SYNE2: variants seen among roughly 807,000 people sequenced by gnomAD.
SYNE2 encodes spectrin repeat containing nuclear envelope protein 2, also known as nesprin-2.
In SYNE2, 431 loss-of-function variants were observed where a neutral mutation model predicts 856.3. The ratio of observed to expected loss-of-function variants is 0.50; its 90% CI spans 0.47 to 0.55. The LOEUF (loss-of-function observed/expected upper bound fraction) is 0.55, where lower values mean the gene tolerates loss of function less well. Among genes scored for constraint, SYNE2 ranks in the 20% least tolerant of loss-of-function variants. SYNE2 has a pLI of 0.00. For missense variants in SYNE2, 8,129 were observed against 8,023.2 expected, an observed-to-expected ratio of 1.01 and a Z score of -0.50; for synonymous variants, 2,923 against 2,872.3, an observed-to-expected ratio of 1.02 and a Z score of -0.56.
In SYNE2 at chr14:63,836,496, C is replaced by A. The variant is rs112442491; in HGVS notation, c.-304-16005C>A. On this transcript the variant is annotated intron_variant, in intron 1 of 23. Transcript: ENST00000674003. ...TTCAGTTTTTGTAATATCATTATGC[C>A]AACTAAGCTATTATTTTGAAAAATA... 7.9e-4 allele frequency among the ~76,000 whole-genome samples: 120 copies of A among 152,284 alleles called. 1 individual carries two copies. Among genetic ancestry groups the A allele is most frequent in the African/African-American group, 2.7e-3 (113 of 41,564 alleles).
chr14:64,042,575 C>T (rs2097156990), intron 45 of SYNE2, among the ~76,000 whole-genome samples: 1 of 152,004 alleles, frequency 6.6e-6, no homozygotes, highest in Non-Finnish European at 1.5e-5. Flanking sequence ...TCTTTCCTGC[C>T]CTGTTCTCAT....
At chr14:63,988,849 G>A (rs1195867480) in intron 19 of SYNE2, among the ~76,000 whole-genome samples, 1 of 152,146 alleles carries the variant, frequency 6.6e-6, no homozygotes, top group East Asian at 1.9e-4. Context: ...GAACAGCACA[G>A]GAAAGATCTG....
Position 63,974,888 on chromosome 14 carries a change from GTGTGTATATATATATATATA to G in SYNE2, c.1129-1673_1129-1654del, listed in dbSNP as rs2096526370. Among the ~76,000 whole-genome samples the G allele has an allele frequency of 9.8e-4, 26 of 26,458 alleles. No individual in the cohort carries two copies. In the East Asian group the frequency reaches 0.025, roughly 25 times the overall value. The allele number at this position is 26,458 out of a possible 152,430, so 17.4% of individuals were successfully genotyped here. ...TGTGTGTGTGTGTGTGTGTGTGTGT[GTGTGTATATATATATATATA>G]TATATATATGTATCTTGAGACAGGG... On this transcript the variant is annotated intron_variant, in intron 11 of 115. Coordinates refer to ENST00000555002, the MANE Select transcript of SYNE2 (RefSeq NM_182914.3).
At chr14:64,177,070 T>C (rs2098438575) in intron 95 of SYNE2, among the ~76,000 whole-genome samples, 1 of 152,158 alleles carries the variant, frequency 6.6e-6, no homozygotes, top group Non-Finnish European at 1.5e-5. Flanking sequence ...AGTGCTGGGA[T>C]TACAGGCTTG....
chr14:64,131,394 C>A lies in SYNE2; in HGVS notation c.14341-871C>A, dbSNP rs776143880. On this transcript the variant is annotated intron_variant, in intron 76 of 115. Coordinates refer to ENST00000555002, the MANE Select transcript of SYNE2 (RefSeq NM_182914.3). Reference sequence around the variant, plus strand: ...AATACAAATACAGGAAGCTTTATGTCCAGGATTCCTATAAAGCAGCAAATT... The same window carrying A: ...AATACAAATACAGGAAGCTTTATGTACAGGATTCCTATAAAGCAGCAAATT... Among the ~76,000 whole-genome samples the A allele has an allele frequency of 2.8e-4, 42 of 152,254 alleles. 1 individual carries two copies. The highest frequency in any genetic ancestry group is 3.4e-3 in the Middle Eastern group (1 of 294).
intron 100 of SYNE2, 22 bp from the exon 101 acceptor site, chr14:64,208,736 T>G: frequency 6.2e-7 from 1 of 1,614,074 alleles, no homozygotes; most frequent in Non-Finnish European, 8.5e-7. Context: ...TCAAGAGGTT[T>G]CTTACTCTGT....
chr14:64,156,618 C>T (rs932679303), intron 85 of SYNE2, among the ~76,000 whole-genome samples: 3 of 151,990 alleles, frequency 2.0e-5, no homozygotes, highest in African/African-American at 7.3e-5. Context: ...GCCACCACTC[C>T]CGGCTAATTT....
chr14:63,791,223 A>G (rs1335652564), intron 1 of SYNE2, among the ~76,000 whole-genome samples: 2 of 152,088 alleles, frequency 1.3e-5, no homozygotes, highest in Admixed American at 6.6e-5. Context: ...CGGCCTCCCA[A>G]AGTGTTAGGA....
At chr14:63,769,446 T>C (rs1886812857) in intron 1 of SYNE2, among the ~76,000 whole-genome samples, 1 of 152,102 alleles carries the variant, frequency 6.6e-6, no homozygotes, top group Admixed American at 6.5e-5. Context: ...GACAGGCAGA[T>C]CATGAGGTCA....
intron 70 of SYNE2, among the ~76,000 whole-genome samples, chr14:64,124,442 C>G (rs1595686046): frequency 6.7e-6 from 1 of 149,554 alleles, no homozygotes; most frequent in Non-Finnish European, 1.5e-5. Flanking sequence ...CTTGAACTCC[C>G]TTGCACTCCT....
chr14:64,179,042 G>A (rs2098446960), intron 96 of SYNE2, among the ~76,000 whole-genome samples: 1 of 152,052 alleles, frequency 6.6e-6, no homozygotes, highest in South Asian at 2.1e-4. Context: ...GCACCACTAT[G>A]CTCCACCCTA....
chr14:64,204,562 A>G (rs895401213), intron 100 of SYNE2, among the ~76,000 whole-genome samples: 8 of 152,228 alleles, frequency 5.3e-5, no homozygotes, highest in African/African-American at 1.9e-4. Context: ...GTTTGGAGCC[A>G]CTGCTATTCT....
At chr14:64,002,658 T>G in intron 29 of SYNE2, 62 bp from the exon 30 acceptor site, 1 of 1,571,786 alleles carries the variant, frequency 6.4e-7, no homozygotes, top group Non-Finnish European at 8.6e-7. Flanking sequence ...GGGGCTAGTT[T>G]CTCACATGTA....
chr14:64,118,980 T>G (rs1384768588), intron 66 of SYNE2, among the ~76,000 whole-genome samples: 1 of 152,302 alleles, frequency 6.6e-6, no homozygotes, highest in South Asian at 2.1e-4. Flanking sequence ...TCACTCCTGA[T>G]AATGACCTTA....
rs376129364 is a variant in SYNE2 at position 64,122,109 on chromosome 14, A to G, written c.13256A>G (p.Asp4419Gly). ...MWPQYCQHDN[D>G]TTQESSASNQ... ...CCCCAGTATTGCCAACATGATAACG[A>G]TACAACTCAGGAATCATCTGCAAGG... Residue 4419 changes from aspartate (D) to glycine (G), a missense_variant, in exon 69 of 116, where the codon GAT becomes GGT. By Grantham distance (94) the Asp-to-Gly change is moderately conservative (BLOSUM62 -1). Transcript: ENST00000555002. 2.4e-4 allele frequency: 389 copies of G among 1,614,190 alleles called. 8 individuals are homozygous for G. The South Asian group carries it at 3.1e-3, about 13-fold the overall frequency.
intron 1 of SYNE2, among the ~76,000 whole-genome samples, chr14:63,811,766 GC>G (rs1251627937): frequency 3.9e-5 from 6 of 151,998 alleles, no homozygotes; most frequent in Non-Finnish European, 7.4e-5. Flanking sequence ...GGACCATAAT[GC>G]CCCCCTGAGC....
At chr14:63,898,458 G>T (rs1242411163) in intron 1 of SYNE2, among the ~76,000 whole-genome samples, 1 of 151,948 alleles carries the variant, frequency 6.6e-6, no homozygotes, top group Non-Finnish European at 1.5e-5. Context: ...AGGCTGGAGT[G>T]CTGTGTTGCC....
chr14:64,087,372 C>T (rs1227185814), intron 57 of SYNE2: 1 of 555,334 alleles, frequency 1.8e-6, no homozygotes, highest in East Asian at 4.6e-5. Flanking sequence ...TATGAAAGGG[C>T]TTATTATGTA....
chr14:64,073,833 C>T, intron 52 of SYNE2, 135 bp from the exon 53 acceptor site: 1 of 963,100 alleles, frequency 1.0e-6, no homozygotes, highest in Non-Finnish European at 1.6e-6. Flanking sequence ...AAAATTGTTA[C>T]TTTTTTTCTT....
Sources: allele counts gnomAD v4.1 joint callset (sites outside exome capture counted in the v4.1 genomes callset), GRCh38; gene constraint gnomAD v4.1.1; transcripts MANE v1.5; gene names NCBI Gene and HGNC (gene_info 2026-07-23, HGNC 2026-07-21).